Variants in PAGE2B observed in about 807,000 individuals in gnomAD.
The protein encoded by PAGE2B is PAGE family member 2B, also known as putative G antigen family E member 3.
PAGE2B carries 5 observed loss-of-function variants against 7.6 expected under a neutral mutation model. The observed-to-expected ratio is 0.66, with a 90% CI of 0.34 to 1.38. PAGE2B has a LOEUF of 1.38. PAGE2B is among the 40% of genes most tolerant of loss of function. The probability of loss-of-function intolerance (pLI) is 0.04; values close to 1 mark genes in which losing one functional copy is unlikely to be tolerated. For missense variants in PAGE2B, 70 were observed against 78.4 expected (o/e 0.89, Z 0.41); for synonymous variants, 29 against 26.7 (o/e 1.09, Z -0.27).
chrX:55,041,051 C>T, the PAGE2B span, among the ~76,000 whole-genome samples: 6 of 105,825 alleles, frequency 5.7e-5, no homozygotes, highest in African/African-American at 1.0e-4. Flanking sequence ...CAGTGTTACA[C>T]TTAGCATTAG....
chrX:55,057,833 C>A, the PAGE2B span, among the ~76,000 whole-genome samples: 1 of 111,858 alleles, frequency 8.9e-6, no homozygotes, highest in African/African-American at 3.2e-5. Flanking sequence ...ATTCCTTATA[C>A]GCTGCTGCCC....
At chrX:55,052,402 C>T in the PAGE2B span, among the ~76,000 whole-genome samples, 5 of 112,649 alleles carry the variant, frequency 4.4e-5, no homozygotes, top group African/African-American at 1.6e-4. Flanking sequence ...TCCCTGCCCC[C>T]AGAGGTGGAG....
At chrX:55,066,235 C>T in the PAGE2B span, among the ~76,000 whole-genome samples, 20 of 111,690 alleles carry the variant, frequency 1.8e-4, no homozygotes, top group African/African-American at 3.9e-4. Context: ...GGATTACAGG[C>T]GTGTGCCATC....
At chrX:55,067,659 C>G in the PAGE2B span, among the ~76,000 whole-genome samples, 82 of 112,001 alleles carry the variant, frequency 7.3e-4, no homozygotes, top group Non-Finnish European at 1.2e-3. Context: ...AACTAATTTA[C>G]ATTCCCACCA....
chrX:55,031,237 T>A, the PAGE2B span, among the ~76,000 whole-genome samples: 5 of 111,366 alleles, frequency 4.5e-5, no homozygotes, highest in African/African-American at 1.6e-4. Context: ...AGAGCTGGGA[T>A]ACCTTGAGCA....
chrX:55,033,383 G>A, the PAGE2B span, among the ~76,000 whole-genome samples: 1 of 111,500 alleles, frequency 9.0e-6, no homozygotes, highest in African/African-American at 3.3e-5. Context: ...GCCCGTGAGT[G>A]TAGGTGGCTG....
chrX:55,074,300 G>T (rs985642467), upstream of PAGE2B, among the ~76,000 whole-genome samples: 1 of 112,043 alleles, frequency 8.9e-6, no homozygotes, highest in African/African-American at 3.2e-5. Context: ...AAAGACCAAC[G>T]TGTCAGAATT....
chrX:55,042,765 A>G, the PAGE2B span, among the ~76,000 whole-genome samples: 1 of 108,578 alleles, frequency 9.2e-6, no homozygotes, highest in African/African-American at 3.4e-5. Flanking sequence ...GAAAATTTCC[A>G]TACTGCCAAA....
At chrX:55,050,927 G>A in the PAGE2B span, among the ~76,000 whole-genome samples, 2 of 111,911 alleles carry the variant, frequency 1.8e-5, no homozygotes, top group South Asian at 3.8e-4. Flanking sequence ...AATTTGGCAT[G>A]TTTTTGCATT....
the PAGE2B span, among the ~76,000 whole-genome samples, chrX:55,049,618 T>G: frequency 7.1e-5 from 8 of 112,041 alleles, no homozygotes; most frequent in Admixed American, 7.6e-4. Context: ...TATTCTCTGA[T>G]GGTAGTTTGT....
chrX:55,031,032 C>T, the PAGE2B span: 1 of 332,974 alleles, frequency 3.0e-6, no homozygotes, highest in Middle Eastern at 4.6e-4. Flanking sequence ...TCAGCCCCAC[C>T]CACCCTGCCT....
chrX:55,067,899 G>T, the PAGE2B span, among the ~76,000 whole-genome samples: 1 of 112,151 alleles, frequency 8.9e-6, no homozygotes, highest in Non-Finnish European at 1.9e-5. Context: ...GGGTGGGTTT[G>T]TTTGTTTCTT....
At chrX:55,033,313 C>G in the PAGE2B span, among the ~76,000 whole-genome samples, 1 of 111,536 alleles carries the variant, frequency 9.0e-6, no homozygotes, top group South Asian at 3.8e-4. Context: ...GTGGGACTTC[C>G]CAGGTCATTG....
At chrX:55,046,509 GAA>G in the PAGE2B span, among the ~76,000 whole-genome samples, 4 of 111,582 alleles carry the variant, frequency 3.6e-5, no homozygotes, top group Non-Finnish European at 3.8e-5. Context: ...TTATATAAGG[GAA>G]AAAAGAGAGG....
At chrX:55,038,971 A>C in the PAGE2B span, among the ~76,000 whole-genome samples, 152 of 111,611 alleles carry the variant, frequency 1.4e-3, no homozygotes, top group Non-Finnish European at 2.5e-3. Context: ...CCAAAGAACA[A>C]AGAGAAATTT....
the PAGE2B span, among the ~76,000 whole-genome samples, chrX:55,061,320 G>A: frequency 9.0e-6 from 1 of 110,975 alleles, no homozygotes; most frequent in Non-Finnish European, 1.9e-5. Context: ...GTAGGGGTTG[G>A]CGTACAGATA....
upstream of PAGE2B, among the ~76,000 whole-genome samples, chrX:55,072,082 A>G (rs1162344369): frequency 8.9e-6 from 1 of 111,832 alleles, no homozygotes; most frequent in Non-Finnish European, 1.9e-5. Context: ...TTCTCTGTCC[A>G]GTTTTGTGCC....
At chrX:55,058,324 GGT>G in the PAGE2B span, among the ~76,000 whole-genome samples, 1 of 108,963 alleles carries the variant, frequency 9.2e-6, no homozygotes. Flanking sequence ...TTTGAGTAGT[GGT>G]GTGTGTGTGT....
the PAGE2B span, among the ~76,000 whole-genome samples, chrX:55,031,408 T>C: frequency 1.8e-5 from 2 of 111,605 alleles, no homozygotes; most frequent in Non-Finnish European, 3.8e-5. Context: ...AGATCCCCGG[T>C]TGTTGTAACA....
Sources: allele counts gnomAD v4.1 joint callset (sites outside exome capture counted in the v4.1 genomes callset), GRCh38; gene constraint gnomAD v4.1.1; transcripts MANE v1.5; gene names NCBI Gene and HGNC (gene_info 2026-07-23, HGNC 2026-07-21).